RBM20: variants seen among roughly 807,000 people sequenced by gnomAD.
RBM20 encodes the protein RNA-binding protein 20.
A neutral mutation model predicts 110.1 loss-of-function variants in RBM20; 51 were observed. That is an observed-to-expected ratio of 0.46 (90% CI 0.37 to 0.59). The LOEUF is 0.59. Among genes scored for constraint, RBM20 ranks in the 20% least tolerant of loss-of-function variants. RBM20 has a pLI of 0.00. For synonymous variants in RBM20, 589 were observed against 618.2 expected, an observed-to-expected ratio of 0.95 and a Z score of 0.70; for missense variants, 1,512 against 1,574.9, an observed-to-expected ratio of 0.96 and a Z score of 0.68.
intron 1 of RBM20, among the ~76,000 whole-genome samples, chr10:110,658,786 C>T (rs1185674686): frequency 6.6e-6 from 1 of 151,990 alleles, no homozygotes; most frequent in Non-Finnish European, 1.5e-5. Context: ...TCCAGAACTT[C>T]CTGTCCTCTC....
chr10:110,820,061 C>G lies in RBM20; in HGVS notation c.2551-11C>G, dbSNP rs1844887849. 1 of 1,533,544 alleles carries G rather than the reference C, an allele frequency of 6.5e-7. No homozygotes were observed. The highest frequency in any genetic ancestry group is 8.8e-7 in the Non-Finnish European group (1 of 1,133,886). The allele number at this position is 1,533,544 out of a possible 1,614,324, so 95.0% of individuals were successfully genotyped here. A position where few individuals can be genotyped will look rare whatever the true frequency, so the allele number is the denominator to read the frequency against. Reference sequence around the variant, plus strand: ...TGTTGATTTGGTTTGCTCTGTTCTTCCTTTGATAAGGCTGGAAAAGAGGAA... The same window carrying G: ...TGTTGATTTGGTTTGCTCTGTTCTTGCTTTGATAAGGCTGGAAAAGAGGAA... On this transcript the variant is annotated splice_polypyrimidine_tract_variant and intron_variant, in intron 9 of 13. Coordinates refer to ENST00000369519, the MANE Select transcript of RBM20 (RefSeq NM_001134363.3).
chr10:110,648,175 C>T (rs1009200753), intron 1 of RBM20, among the ~76,000 whole-genome samples: 21 of 152,146 alleles, frequency 1.4e-4, no homozygotes, highest in African/African-American at 3.9e-4. Context: ...GTGTTACCTG[C>T]GTGTAAATGC....
At chr10:110,656,098 C>T (rs185489764) in intron 1 of RBM20, among the ~76,000 whole-genome samples, 1 of 151,956 alleles carries the variant, frequency 6.6e-6, no homozygotes, top group African/African-American at 2.4e-5. Flanking sequence ...GTCAGGAGTT[C>T]GAGACCAGCC....
chr10:110,713,715 C>T (rs1272528109), intron 1 of RBM20, among the ~76,000 whole-genome samples: 1 of 152,188 alleles, frequency 6.6e-6, no homozygotes, highest in African/African-American at 2.4e-5. Flanking sequence ...GCCTCGCAAC[C>T]ATTCCCTAAA....
chr10:110,791,867 T>C (rs888704695), intron 5 of RBM20, among the ~76,000 whole-genome samples: 3 of 150,544 alleles, frequency 2.0e-5, no homozygotes, highest in African/African-American at 7.3e-5. Context: ...CTCTTAGAGA[T>C]GTGACCTCTG....
At chr10:110,712,753 C>A (rs1036387212) in intron 1 of RBM20, among the ~76,000 whole-genome samples, 1 of 152,170 alleles carries the variant, frequency 6.6e-6, no homozygotes, top group Non-Finnish European at 1.5e-5. Flanking sequence ...GGTGTCAGAA[C>A]AAGATTCTGT....
At chr10:110,770,502 C>CAG (rs1407309396) in intron 1 of RBM20, among the ~76,000 whole-genome samples, 2 of 152,198 alleles carry the variant, frequency 1.3e-5, no homozygotes, top group Admixed American at 6.5e-5. Flanking sequence ...TTATTGGTGA[C>CAG]AGAGCTTTTG....
At chr10:110,814,420 C>T (rs947969702) in intron 9 of RBM20, among the ~76,000 whole-genome samples, 3 of 152,100 alleles carry the variant, frequency 2.0e-5, no homozygotes, top group Admixed American at 2.0e-4. Context: ...TGCACAGGAA[C>T]GGGAAAATAG....
chr10:110,741,836 C>A (rs1029690858), intron 1 of RBM20, among the ~76,000 whole-genome samples: 2 of 151,982 alleles, frequency 1.3e-5, no homozygotes, highest in Non-Finnish European at 2.9e-5. Context: ...CCCAGGAGAG[C>A]CCTGCAGTAC....
intron 1 of RBM20, among the ~76,000 whole-genome samples, chr10:110,700,768 C>T (rs1465143291): frequency 6.6e-6 from 1 of 152,166 alleles, no homozygotes; most frequent in African/African-American, 2.4e-5. Flanking sequence ...GTCATCCTAG[C>T]ACTTTGGGAG....
intron 1 of RBM20, among the ~76,000 whole-genome samples, chr10:110,746,670 C>T (rs1843784910): frequency 6.6e-6 from 1 of 152,174 alleles, no homozygotes; most frequent in South Asian, 2.1e-4. Context: ...GGCAGTGCTA[C>T]CTATGGAGAG....
chr10:110,819,945 G>A, intron 9 of RBM20, 127 bp from the exon 10 acceptor site: 1 of 564,114 alleles, frequency 1.8e-6, no homozygotes, highest in South Asian at 3.0e-5. Context: ...GATTCTGGGA[G>A]GATAAAGGAA....
intron 1 of RBM20, among the ~76,000 whole-genome samples, chr10:110,653,106 C>T (rs1861975128): frequency 6.6e-6 from 1 of 152,132 alleles, no homozygotes; most frequent in Admixed American, 6.5e-5. Context: ...CCTTTCATAC[C>T]CAGAAACGTC....
rs1466225499 is a variant in RBM20 at position 110,821,814 on chromosome 10, T to C, written c.3195T>C (p.Asp1065=). ...GGCAGCCAAGCCCATTTGTGGATGA[T>C]TGCAAGACCAGGGGGACCCCCGAAG... ...RARQPSPFVD[D]CKTRGTPEDG... Residue 1065 remains aspartate (D), a synonymous_variant, in exon 11 of 14, where the codon GAT becomes GAC. Coordinates refer to ENST00000369519, the MANE Select transcript of RBM20 (RefSeq NM_001134363.3). The C allele has an allele frequency of 1.3e-6, 2 of 1,551,586 alleles. No homozygotes were observed. The highest frequency in any genetic ancestry group is 2.4e-5 in the East Asian group (1 of 40,922).
chr10:110,689,801 T>G (rs1862560308), intron 1 of RBM20, among the ~76,000 whole-genome samples: 2 of 152,198 alleles, frequency 1.3e-5, no homozygotes, highest in African/African-American at 4.8e-5. Context: ...GTGTTTCTAT[T>G]TCTTGGTATT....
At chr10:110,831,302 A>G (rs1277872861) in intron 13 of RBM20, 120 bp downstream of exon 13, 4 of 1,007,478 alleles carry the variant, frequency 4.0e-6, no homozygotes, top group Non-Finnish European at 5.6e-6. Context: ...TGCAAGGCCT[A>G]CTCCAGGCCA....
chr10:110,827,073 G>A (rs1487898848), intron 12 of RBM20, among the ~76,000 whole-genome samples: 8 of 152,158 alleles, frequency 5.3e-5, no homozygotes, highest in Non-Finnish European at 7.3e-5. Flanking sequence ...GTCCCCGAAG[G>A]AAGAGTATGG....
chr10:110,823,391 G>A (rs944072384), intron 11 of RBM20, 89 bp from the exon 12 acceptor site: 3 of 1,428,070 alleles, frequency 2.1e-6, no homozygotes, highest in Middle Eastern at 1.8e-4. Context: ...ATACTATGCA[G>A]GCATAGAATT....
At chr10:110,725,309 A>G (rs1357798744) in intron 1 of RBM20, among the ~76,000 whole-genome samples, 1 of 152,164 alleles carries the variant, frequency 6.6e-6, no homozygotes, top group Admixed American at 6.5e-5. Context: ...TTTCAATTTC[A>G]TGGTTTTTAT....
Sources: allele counts gnomAD v4.1 joint callset (sites outside exome capture counted in the v4.1 genomes callset), GRCh38; gene constraint gnomAD v4.1.1; transcripts MANE v1.5; gene names NCBI Gene and HGNC (gene_info 2026-07-23, HGNC 2026-07-21).